The following LRRC38 variants were observed in gnomAD, a reference collection of about 807,000 sequenced individuals.
LRRC38 encodes leucine-rich repeat-containing protein 38.
A neutral mutation model predicts 16.4 loss-of-function variants in LRRC38; 5 were observed. The ratio of observed to expected loss-of-function variants is 0.31; its 90% CI spans 0.16 to 0.64. The LOEUF (loss-of-function observed/expected upper bound fraction) is 0.64. Among genes scored for constraint, LRRC38 ranks in the 30% least tolerant of loss-of-function variants. The pLI, the probability that LRRC38 is intolerant of heterozygous loss-of-function variation, is 0.80. For synonymous variants in LRRC38, 191 were observed against 190.2 expected (o/e 1.00, Z -0.04); for missense variants, 341 against 401.8 (o/e 0.85, Z 1.29).
chr1:13,485,940 T>G (rs1638926722), intron 1 of LRRC38, among the ~76,000 whole-genome samples: 1 of 152,190 alleles, frequency 6.6e-6, no homozygotes, highest in African/African-American at 2.4e-5. Context: ...CTGGTGGTTC[T>G]TTCTTTTTTT....
At chr1:13,503,458 G>A (rs938085515) in intron 1 of LRRC38, among the ~76,000 whole-genome samples, 10 of 152,098 alleles carry the variant, frequency 6.6e-5, no homozygotes, top group African/African-American at 1.2e-4. Flanking sequence ...TAGTAGAGAC[G>A]GGGTTTCACC....
Position 13,475,840 on chromosome 1 carries a change from G to T in LRRC38, c.*6C>A. On this transcript the variant is annotated 3_prime_UTR_variant, in exon 2 of 2. Coordinates refer to ENST00000376085, the MANE Select transcript of LRRC38 (RefSeq NM_001010847.2). This position sits in a 1 kb window ranked among gnomAD's most constrained non-coding sequence, Gnocchi z 4.3. Reference sequence around the variant, plus strand: ...GGAGAGTAAGAGGCAGGAGGGAGGAGGTGGCTCAGTCATCCTTGTCCTCGT... The same window carrying T: ...GGAGAGTAAGAGGCAGGAGGGAGGATGTGGCTCAGTCATCCTTGTCCTCGT... 1 of 1,547,832 alleles carries T rather than the reference G, an allele frequency of 6.5e-7. No individual in the cohort carries two copies. The highest frequency in any genetic ancestry group is 1.4e-5 in the African/African-American group (1 of 73,100).
chr1:13,489,749 G>A (rs990224333), intron 1 of LRRC38, among the ~76,000 whole-genome samples: 1 of 152,170 alleles, frequency 6.6e-6, no homozygotes, highest in African/African-American at 2.4e-5. Context: ...GCTGACCTGT[G>A]TTCTCCACCA....
chr1:13,512,932 T>TC, intron 1 of LRRC38, 31 bp downstream of exon 1: 271 of 495,168 alleles, frequency 5.5e-4, no homozygotes, highest in South Asian at 1.5e-3. Flanking sequence ...CCCCCCTCCC[T>TC]CCCTCCCCCA....
chr1:13,488,333 G>A (rs988196661), intron 1 of LRRC38, among the ~76,000 whole-genome samples: 1 of 150,858 alleles, frequency 6.6e-6, no homozygotes, highest in Non-Finnish European at 1.5e-5. Flanking sequence ...TAGTGGTGGT[G>A]GGATCTCGGC....
intron 1 of LRRC38, among the ~76,000 whole-genome samples, chr1:13,510,634 T>C (rs903726989): frequency 9.6e-6 from 1 of 104,592 alleles, no homozygotes; most frequent in African/African-American, 3.9e-5. Context: ...CTGTGAAAAG[T>C]AGAAAAAGCA....
At chr1:13,499,430 C>T (rs142956611) in intron 1 of LRRC38, among the ~76,000 whole-genome samples, 205 of 152,284 alleles carry the variant, frequency 1.3e-3, no homozygotes, top group African/African-American at 4.7e-3. Context: ...AGGTCACATT[C>T]TGAAGTATTT....
In LRRC38 at chr1:13,511,866, T is replaced by C. The variant is rs546409295; in HGVS notation, c.631+1097A>G. On this transcript the variant is annotated intron_variant, in intron 1 of 1. Coordinates refer to ENST00000376085, the MANE Select transcript of LRRC38 (RefSeq NM_001010847.2). ...AGAGTGAGCACCCCGAAGCATGGGG[T>C]GTGTTTGATGACAGTTGGGAATGAA... Among the ~76,000 whole-genome samples the C allele has an allele frequency of 9.3e-4, 142 of 151,948 alleles. 1 individual carries two copies. Among genetic ancestry groups the C allele is most frequent in the Middle Eastern group, 6.8e-3 (2 of 294 alleles).
intron 1 of LRRC38, among the ~76,000 whole-genome samples, chr1:13,482,885 G>A (rs1638886919): frequency 6.6e-6 from 1 of 152,152 alleles, no homozygotes; most frequent in Non-Finnish European, 1.5e-5. Flanking sequence ...TATTCCTCAG[G>A]CCAACCTGAT....
intron 1 of LRRC38, among the ~76,000 whole-genome samples, chr1:13,499,477 A>G (rs1314494514): frequency 2.0e-5 from 3 of 152,228 alleles, no homozygotes; most frequent in Admixed American, 1.3e-4. Context: ...TGGGGGTAAC[A>G]GGGAGACACA....
At chr1:13,479,262 G>C (rs1290535929) in intron 1 of LRRC38, among the ~76,000 whole-genome samples, 1 of 151,992 alleles carries the variant, frequency 6.6e-6, no homozygotes, top group Non-Finnish European at 1.5e-5. Flanking sequence ...ATGAAAATAA[G>C]TAAGATGGAC....
chr1:13,504,257 C>T (rs1639183747), intron 1 of LRRC38, among the ~76,000 whole-genome samples: 1 of 152,098 alleles, frequency 6.6e-6, no homozygotes, highest in Non-Finnish European at 1.5e-5. Flanking sequence ...GGACCAGGAA[C>T]ATCAGGGGAC....
At chr1:13,492,934 G>A (rs1438926856) in intron 1 of LRRC38, among the ~76,000 whole-genome samples, 1 of 151,940 alleles carries the variant, frequency 6.6e-6, no homozygotes, top group Non-Finnish European at 1.5e-5. Context: ...CCTAACCTCC[G>A]ACCACGTGAG....
In LRRC38 at chr1:13,501,743, G is replaced by A. The variant is rs529683616; in HGVS notation, c.631+11220C>T. Among the ~76,000 whole-genome samples, 45 of 150,162 alleles carry A rather than the reference G, an allele frequency of 3.0e-4. No homozygotes were observed. In the South Asian group the frequency reaches 6.6e-3, roughly 22 times the overall value. ...CTAGCAGCTGGGATTACAGGTGCGC[G>A]CCACCATGCCCGGCTCATTTTTGTT... is the stretch of plus-strand genomic sequence containing the variant. On this transcript the variant is annotated intron_variant, in intron 1 of 1. Transcript: ENST00000376085.
At chr1:13,490,842 A>G (rs1004425749) in intron 1 of LRRC38, among the ~76,000 whole-genome samples, 5 of 152,096 alleles carry the variant, frequency 3.3e-5, no homozygotes, top group African/African-American at 1.2e-4. Context: ...CTGCCATTCT[A>G]AAGCACCCAC....
intron 1 of LRRC38, among the ~76,000 whole-genome samples, chr1:13,504,741 A>G (rs1401979572): frequency 0.024 from 518 of 21,566 alleles, 14 homozygotes; most frequent in African/African-American, 0.12. Context: ...GGGGAGGGGA[A>G]GGGAGGGGAG....
rs1042636998 is a variant in LRRC38, at chr1:13,503,531, A to C, written c.631+9432T>G. ...TGATCTGCCCGCCTCAGCCTCCCAA[A>C]GTGCTGGGATTACAGGCGTGAGCCA... On this transcript the variant is annotated intron_variant, in intron 1 of 1. Transcript: ENST00000376085. Among the ~76,000 whole-genome samples, 8 of 152,332 alleles carry C rather than the reference A, an allele frequency of 5.3e-5. No homozygotes were observed. The South Asian group carries it at 1.7e-3, about 32-fold the overall frequency.
Position 13,512,963 on chromosome 1 carries a change from C to G in LRRC38, c.631G>C (p.Gly211Arg). 1 of 1,516,182 alleles carries G rather than the reference C, an allele frequency of 6.6e-7. No homozygotes were observed. Among genetic ancestry groups the G allele is most frequent in the Non-Finnish European group, 8.9e-7 (1 of 1,126,146 alleles). 93.9% of individuals were successfully genotyped at this position (1,516,182 alleles called of 1,614,324 possible). The change falls in exon 1 of 2, where the codon GGC becomes CGC. Residue 211 changes from glycine (G) to arginine (R), a missense_variant and splice_region_variant. Physicochemically the swap from Gly to Arg is moderately radical, Grantham distance 125 (BLOSUM62 -2). Coordinates refer to ENST00000376085, the MANE Select transcript of LRRC38 (RefSeq NM_001010847.2). ...CCCCAGCCTAGCCGGCTCGGCTCAC[C>G]TTTGGGCAGTTTGGATGCGTTCTCC... ...IQENASKLPK[G>R]LDEIQCSLPM...
chr1:13,481,376 G>T (rs1175566457), intron 1 of LRRC38, among the ~76,000 whole-genome samples: 2 of 135,738 alleles, frequency 1.5e-5, no homozygotes, highest in South Asian at 2.7e-4. Flanking sequence ...GTGTTCTTAT[G>T]TTTTTTTTAT....
Sources: allele counts gnomAD v4.1 joint callset (sites outside exome capture counted in the v4.1 genomes callset), GRCh38; gene constraint gnomAD v4.1.1; non-coding constraint Gnocchi (gnomAD v3.1); transcripts MANE v1.5; gene names NCBI Gene and HGNC (gene_info 2026-07-23, HGNC 2026-07-21).